Variants in WDR36 observed in about 807,000 individuals in gnomAD.
WDR36 encodes WD repeat domain 36.
Under a neutral mutation model 112.7 loss-of-function variants are expected in WDR36, and 63 were observed. The observed-to-expected ratio is 0.56, with a 90% CI of 0.46 to 0.69. WDR36 has a LOEUF of 0.69. WDR36 is among the 30% of genes least tolerant of loss of function. The pLI is 0.00. For missense variants in WDR36, 1,226 were observed against 1,070.3 expected (o/e 1.15, Z -2.03); for synonymous variants, 410 against 362.2 (o/e 1.13, Z -1.50).
At chr5:111,110,755 GA>G (rs780622532) in intron 13 of WDR36, 32 bp from the exon 14 acceptor site, 10 of 1,561,642 alleles carry the variant, frequency 6.4e-6, no homozygotes, top group African/African-American at 1.4e-5. Context: ...TGCCAATTCT[GA>G]TTTTTTTTTT....
chr5:111,110,915 C>G lies in WDR36; in HGVS notation c.1569C>G (p.Leu523=). The part of the protein sequence containing the change: ...KNKILIHSVS[L]SSSPNIMLLH... ...AAATTTTAATCCATTCTGTGAGCCT[C>G]AGTTCATCTCCAAATATCATGTTGC... is the stretch of plus-strand genomic sequence containing the variant. Residue 523 remains leucine (L), a synonymous_variant, in exon 14 of 23, where the codon CTC becomes CTG. Coordinates refer to ENST00000513710, the MANE Select transcript of WDR36 (RefSeq NM_139281.3). The G allele has an allele frequency of 1.2e-6, 2 of 1,611,440 alleles. No individual in the cohort carries two copies. Among genetic ancestry groups the G allele is most frequent in the Non-Finnish European group, 1.7e-6 (2 of 1,178,452 alleles).
In WDR36 at chr5:111,120,884, T is replaced by G. The variant is rs1033744829; in HGVS notation, c.2003-112T>G. Reference sequence around the variant, plus strand: ...ATAAGTAAATGAAATAAATGAACAGTCTACAAGGCTGCATTAAATGAACAT... The same window carrying G: ...ATAAGTAAATGAAATAAATGAACAGGCTACAAGGCTGCATTAAATGAACAT... On this transcript the variant is annotated intron_variant, in intron 18 of 22. Transcript: ENST00000513710. 11 of 963,530 alleles carry G rather than the reference T, an allele frequency of 1.1e-5. No individual in the cohort carries two copies. In the African/African-American group the frequency reaches 1.8e-4, roughly 16 times the overall value. The allele number at this position is 963,530 out of a possible 1,614,324, so 59.7% of individuals were successfully genotyped here.
At position 111,115,484 on chromosome 5, in the gene WDR36, G is replaced by A. The variant is rs189239204; in HGVS notation, c.1796+2331G>A. Among the ~76,000 whole-genome samples the A allele has an allele frequency of 9.2e-5, 14 of 152,124 alleles. No homozygotes were observed. In the East Asian group the frequency reaches 9.7e-4, roughly 11 times the overall value. On this transcript the variant is annotated intron_variant, in intron 16 of 22. Coordinates refer to ENST00000513710, the MANE Select transcript of WDR36 (RefSeq NM_139281.3). ...TGACTTAGTTTATAAATGACAGAGC[G>A]CAAAATCAGCACAGGAGAAAGAAAT... is the stretch of plus-strand genomic sequence containing the variant.
Position 111,122,994 on chromosome 5 carries a change from G to A in WDR36, c.2149-811G>A, listed in dbSNP as rs570856715. On this transcript the variant is annotated intron_variant, in intron 19 of 22. Transcript: ENST00000513710. ...GCATGTTGTACGTGCCTGTAATCCC[G>A]GCTGCTCAGGAGGCTGAGGCAGGAG... Among the ~76,000 whole-genome samples the A allele has an allele frequency of 4.6e-5, 7 of 151,908 alleles. 1 individual carries two copies. The South Asian group carries it at 6.2e-4, about 14-fold the overall frequency.
At chr5:111,101,941 C>T (rs1753128573) in intron 5 of WDR36, among the ~76,000 whole-genome samples, 1 of 151,670 alleles carries the variant, frequency 6.6e-6, no homozygotes, top group Non-Finnish European at 1.5e-5. Flanking sequence ...AAATTGAGAG[C>T]AGCATTACTG....
In WDR36 at chr5:111,130,112, T is replaced by G. The variant is rs1196475576; in HGVS notation, c.*3229T>G. 4.8e-6 allele frequency: 1 copy of G among 209,290 alleles called. No individual in the cohort carries two copies. Among genetic ancestry groups the G allele is most frequent in the Non-Finnish European group, 9.7e-6 (1 of 102,844 alleles). The allele number at this position is 209,290 out of a possible 1,614,324, so 13.0% of individuals were successfully genotyped here. ...TGCTGGTGAGCACATCTCTTGAAGT[T>G]TTGATATGGGTTGCACAACATTTAT... On this transcript the variant is annotated 3_prime_UTR_variant, in exon 23 of 23. Coordinates refer to ENST00000513710, the MANE Select transcript of WDR36 (RefSeq NM_139281.3).
intron 2 of WDR36, 32 bp from the exon 3 acceptor site, chr5:111,097,047 C>T: frequency 5.9e-6 from 9 of 1,524,926 alleles, no homozygotes; most frequent in Non-Finnish European, 7.3e-6. Flanking sequence ...TCTTAAAAAT[C>T]CCTGTTTCTT....
chr5:111,119,039 C>T lies in WDR36; in HGVS notation c.1823C>T (p.Ser608Leu), dbSNP rs772011041. The T allele has an allele frequency of 2.9e-5, 46 of 1,613,382 alleles. No homozygotes were observed. In the Admixed American group the frequency reaches 3.8e-4, roughly 13 times the overall value. ...CTTATAGACTGCTTTTTGTTGGACT[C>T]GGCTCCTCTCAATGTTTCTATGTCT... is the stretch of plus-strand genomic sequence containing the variant. ...GCLIDCFLLD[S>L]APLNVSMSPT... Residue 608 changes from serine (S) to leucine (L), a missense_variant, in exon 17 of 23, where the codon TCG becomes TTG. Transcript: ENST00000513710.
chr5:111,096,444 C>T (rs1303077308), intron 2 of WDR36, among the ~76,000 whole-genome samples: 3 of 152,178 alleles, frequency 2.0e-5, no homozygotes, highest in African/African-American at 4.8e-5. Flanking sequence ...TGGCTCACGC[C>T]TGTAATCCCA....
chr5:111,110,935 T>C lies in WDR36; in HGVS notation c.1589T>C (p.Met530Thr). The C allele has an allele frequency of 6.2e-7, 1 of 1,611,274 alleles. No homozygotes were observed. The highest frequency in any genetic ancestry group is 1.1e-5 in the South Asian group (1 of 91,014). Residue 530 changes from methionine to threonine, a missense_variant, in exon 14 of 23, where the codon ATG (methionine) becomes ACG (threonine). Transcript: ENST00000513710. ...SVSLSSSPNI[M>T]LLHRDSGILG... Reference sequence around the variant, plus strand: ...AGCCTCAGTTCATCTCCAAATATCATGTTGCTACATAGGGACAGGTAAACT... The same window carrying C: ...AGCCTCAGTTCATCTCCAAATATCACGTTGCTACATAGGGACAGGTAAACT...
intron 6 of WDR36, among the ~76,000 whole-genome samples, chr5:111,103,516 C>CA (rs1226209422): frequency 1.3e-5 from 2 of 151,550 alleles, no homozygotes; most frequent in African/African-American, 4.8e-5. Context: ...GTTTTCTTTC[C>CA]AAAATCTTAC....
In WDR36 at chr5:111,126,898, C is replaced by T; in HGVS notation, c.*15C>T. 6.3e-7 allele frequency: 1 copy of T among 1,579,782 alleles called. No homozygotes were observed. Among genetic ancestry groups the T allele is most frequent in the South Asian group, 1.2e-5 (1 of 86,522 alleles). On this transcript the variant is annotated 3_prime_UTR_variant, in exon 23 of 23. Coordinates refer to ENST00000513710, the MANE Select transcript of WDR36 (RefSeq NM_139281.3). ...CTTTGTTGTAAAAATAAATTTGTGA[C>T]TAAACAAAGACTTTCATATTAAATG...
intron 2 of WDR36, 155 bp downstream of exon 2, chr5:111,095,102 T>A (rs773727920): frequency 4.2e-5 from 29 of 691,594 alleles, no homozygotes; most frequent in Non-Finnish European, 7.1e-5. Flanking sequence ...CCAGGATAAA[T>A]CATGTTTTGC....
In WDR36 at chr5:111,130,234, G is replaced by A. The variant is rs569230946; in HGVS notation, c.*3351G>A. 5.9e-4 allele frequency: 119 copies of A among 203,386 alleles called. No individual in the cohort carries two copies. Among genetic ancestry groups the A allele is most frequent in the African/African-American group, 2.7e-3 (117 of 43,698 alleles). 12.6% of individuals were successfully genotyped at this position (203,386 alleles called of 1,614,324 possible). A position where few individuals can be genotyped will look rare whatever the true frequency, so the allele number is the denominator to read the frequency against. The stretch of plus-strand genomic sequence containing the variant: ...GATACCAAAATCCAAGCAATGCCCT[G>A]CAGATCATGGGACCTATGCATATGA... On this transcript the variant is annotated 3_prime_UTR_variant, in exon 23 of 23. Coordinates refer to ENST00000513710, the MANE Select transcript of WDR36 (RefSeq NM_139281.3).
intron 1 of WDR36, among the ~76,000 whole-genome samples, chr5:111,094,009 C>G (rs1752924453): frequency 6.7e-6 from 1 of 150,000 alleles, no homozygotes; most frequent in Non-Finnish European, 1.5e-5. Context: ...ACCTCTAAAA[C>G]TGAAAATACT....
chr5:111,104,917 C>A, intron 9 of WDR36, 100 bp downstream of exon 9: 1 of 1,558,278 alleles, frequency 6.4e-7, no homozygotes, highest in Admixed American at 1.7e-5. Context: ...ATTCACATAT[C>A]TCTTTGAGTG....
intron 16 of WDR36, among the ~76,000 whole-genome samples, chr5:111,114,447 GATGTC>G (rs538379126): frequency 7.5e-4 from 114 of 152,296 alleles, no homozygotes; most frequent in African/African-American, 2.6e-3. Context: ...GAAAAACCCT[GATGTC>G]CTCAGTTCCC....
At position 111,126,962 on chromosome 5, in the gene WDR36, T is replaced by C; in HGVS notation, c.*79T>C. ...TCATTTCTTATTTTCCAAGTGTCAA[T>C]GTGAAAAGAAAATAAATGCTAGCAC... is the stretch of plus-strand genomic sequence containing the variant. On this transcript the variant is annotated 3_prime_UTR_variant, in exon 23 of 23. Transcript: ENST00000513710. 7.4e-7 allele frequency: 1 copy of C among 1,359,898 alleles called. No individual in the cohort carries two copies. The highest frequency in any genetic ancestry group is 9.9e-7 in the Non-Finnish European group (1 of 1,005,780). The allele number at this position is 1,359,898 out of a possible 1,614,324, so 84.2% of individuals were successfully genotyped here.
rs1561698830 is a variant in WDR36, at chr5:111,092,362, T to TCTG, written c.-94_-92dup. 1 of 1,614,214 alleles carries TCTG rather than the reference T, an allele frequency of 6.2e-7. No homozygotes were observed. ...CCGGAAGCGGTGTTGTGTCTGCAGC[T>TCTG]CTGGCAGAGGACTGTTCCACTAGAC... is the stretch of plus-strand genomic sequence containing the variant. On this transcript the variant is annotated 5_prime_UTR_variant, in exon 1 of 23. Transcript: ENST00000513710.
Sources: gnomAD v4.1 joint callset for allele counts (sites outside exome capture counted in the v4.1 genomes callset) on GRCh38, gnomAD v4.1.1 for gene constraint, MANE v1.5 for transcripts, NCBI Gene and HGNC (gene_info 2026-07-23, HGNC 2026-07-21) for gene names.